The following SCUBE3 variants were observed in gnomAD, a reference collection of about 807,000 sequenced individuals.
SCUBE3 encodes the protein signal peptide, CUB and EGF-like domain-containing protein 3.
In SCUBE3, 33 loss-of-function variants were observed where a neutral mutation model predicts 116.8. That is an observed-to-expected ratio of 0.28 (90% CI 0.21 to 0.38). The LOEUF (loss-of-function observed/expected upper bound fraction) is 0.38, where lower values mean the gene tolerates loss of function less well. Among genes scored for constraint, SCUBE3 ranks in the 10% least tolerant of loss-of-function variants. The pLI, the probability that SCUBE3 is intolerant of heterozygous loss-of-function variation, is 1.00. For missense variants in SCUBE3, 1,007 were observed against 1,324.8 expected, an observed-to-expected ratio of 0.76 and a Z score of 3.72; for synonymous variants, 418 against 496.9, an observed-to-expected ratio of 0.84 and a Z score of 2.11.
At position 35,243,182 on chromosome 6, in the gene SCUBE3, G is replaced by A. The variant is rs1402422702; in HGVS notation, c.1855G>A (p.Ala619Thr). 6.2e-7 allele frequency: 1 copy of A among 1,614,114 alleles called. No homozygotes were observed. The change falls in exon 15 of 22, where the codon GCA becomes ACA. Residue 619 changes from alanine (A) to threonine (T), a missense_variant. Ala to Thr is a moderately conservative substitution (Grantham distance 58, BLOSUM62 0). Transcript: ENST00000274938. This position sits in a 1 kb window ranked among gnomAD's most constrained non-coding sequence, Gnocchi z 6.6. Reference protein sequence around the residue: ...HKPGLVAGERAEPMESCRPGQ... With the variant: ...HKPGLVAGERTEPMESCRPGQ... Reference sequence around the variant, plus strand: ...GCCGGGCCTGGTAGCCGGGGAGCGAGCAGAGCCGATGGAGTCCTGTAGGCC... The same window carrying A: ...GCCGGGCCTGGTAGCCGGGGAGCGAACAGAGCCGATGGAGTCCTGTAGGCC...
intron 7 of SCUBE3, 129 bp downstream of exon 7, chr6:35,238,147 C>A: frequency 1.8e-6 from 1 of 568,636 alleles, no homozygotes; most frequent in Non-Finnish European, 3.2e-6. Flanking sequence ...CAGGACATAG[C>A]TAAGGGTTGT....
At chr6:35,227,297 TTTTG>T (rs1456804212) in intron 1 of SCUBE3, among the ~76,000 whole-genome samples, 11 of 152,236 alleles carry the variant, frequency 7.2e-5, no homozygotes, top group Non-Finnish European at 7.3e-5. Context: ...TCTAAGGGTT[TTTTG>T]TTTGTTTTCA....
At chr6:35,227,779 C>G in intron 2 of SCUBE3, 77 bp downstream of exon 2, 1 of 1,461,080 alleles carries the variant, frequency 6.8e-7, no homozygotes, top group Non-Finnish European at 9.5e-7. Context: ...CAGTTGGCCA[C>G]TCTCCATCAC....
In SCUBE3 at chr6:35,243,518, A is replaced by T. The variant is rs879172485; in HGVS notation, c.1910-76A>T. On this transcript the variant is annotated intron_variant, in intron 15 of 21. Coordinates refer to ENST00000274938, the MANE Select transcript of SCUBE3 (RefSeq NM_152753.4). The surrounding 1 kb of genome is among the most constrained non-coding windows in gnomAD (Gnocchi z 6.6). ...CCCTGAATCGGGGGTTGTGGCGGGG[A>T]GTGGGAAGGGGAGTCCCAGGCCTGG... The T allele has an allele frequency of 8.0e-7, 1 of 1,253,880 alleles. No individual in the cohort carries two copies. Among genetic ancestry groups the T allele is most frequent in the Non-Finnish European group, 1.1e-6 (1 of 925,370 alleles). The allele number at this position is 1,253,880 out of a possible 1,614,324, so 77.7% of individuals were successfully genotyped here.
At chr6:35,216,294 T>C (rs1782888722) in intron 1 of SCUBE3, among the ~76,000 whole-genome samples, 1 of 152,208 alleles carries the variant, frequency 6.6e-6, no homozygotes, top group Admixed American at 6.5e-5. Context: ...CCCTGCTGGG[T>C]ACTGAGGAAC....
Position 35,235,763 on chromosome 6 carries a change from A to C in SCUBE3, c.713-2139A>C. Among the ~76,000 whole-genome samples the C allele has an allele frequency of 6.6e-6, 1 of 150,940 alleles. No individual in the cohort carries two copies. Among genetic ancestry groups the C allele is most frequent in the African/African-American group, 2.4e-5 (1 of 40,918 alleles). ...TTCCTCTTCTGCTGTCTCCTCCCAC[A>C]CCCACCTTCTAACACCCCACCCCAC... On this transcript the variant is annotated intron_variant, in intron 6 of 21. Coordinates refer to ENST00000274938, the MANE Select transcript of SCUBE3 (RefSeq NM_152753.4). This position sits in a 1 kb window ranked among gnomAD's most constrained non-coding sequence, Gnocchi z 4.5.
In SCUBE3 at chr6:35,246,254, A is replaced by G. The variant is rs746580017; in HGVS notation, c.2801A>G (p.Tyr934Cys). The G allele has an allele frequency of 1.2e-6, 2 of 1,613,994 alleles. No homozygotes were observed. Among genetic ancestry groups the G allele is most frequent in the South Asian group, 2.2e-5 (2 of 91,084 alleles). ...GACATTGTGCGAGATGGCCGGCTCT[A>G]TGCCTCTGAAAACCACCAGGAGATT... ...VEDIVRDGRL[Y>C]ASENHQEILK... Residue 934 changes from tyrosine (Y) to cysteine (C), a missense_variant, in exon 21 of 22, where the codon TAT (tyrosine) becomes TGT (cysteine). Coordinates refer to ENST00000274938, the MANE Select transcript of SCUBE3 (RefSeq NM_152753.4).
chr6:35,240,222 G>T lies in SCUBE3; in HGVS notation c.953-152G>T, dbSNP rs1783977180. The T allele has an allele frequency of 1.1e-5, 6 of 539,532 alleles. No individual in the cohort carries two copies. The highest frequency in any genetic ancestry group is 1.6e-5 in the Non-Finnish European group (5 of 307,766). The allele number at this position is 539,532 out of a possible 1,614,324, so 33.4% of individuals were successfully genotyped here. A position where few individuals can be genotyped will look rare whatever the true frequency, so the allele number is the denominator to read the frequency against. ...TAGAGGGGGCAGAGAAGATGGAATG[G>T]CATTGTTAAATCACTGGTCCTAGAG... On this transcript the variant is annotated intron_variant, in intron 8 of 21. Coordinates refer to ENST00000274938, the MANE Select transcript of SCUBE3 (RefSeq NM_152753.4). This position sits in a 1 kb window ranked among gnomAD's most constrained non-coding sequence, Gnocchi z 4.6.
Position 35,246,079 on chromosome 6 carries a change from C to T in SCUBE3, c.2735C>T (p.Pro912Leu). The change falls in exon 20 of 22, where the codon CCC becomes CTC. Residue 912 changes from proline (P) to leucine (L), a missense_variant. By Grantham distance (98) the Pro-to-Leu change is moderately conservative. Around this residue, in one of 5 missense-constraint regions of SCUBE3, gnomAD observed 118 missense variants for 196.6 expected, o/e 0.60. Coordinates refer to ENST00000274938, the MANE Select transcript of SCUBE3 (RefSeq NM_152753.4). The part of the protein sequence containing the change: ...EANSARGFQI[P>L]YVTYDEDYEQ... ...AACAGCGCCCGTGGCTTCCAGATTC[C>T]CTATGTTACCTATGATGGTAAGCCA... 1.9e-6 allele frequency: 3 copies of T among 1,614,148 alleles called. No individual in the cohort carries two copies. Among genetic ancestry groups the T allele is most frequent in the Non-Finnish European group, 2.5e-6 (3 of 1,180,030 alleles).
intron 13 of SCUBE3, 137 bp from the exon 14 acceptor site, chr6:35,242,485 T>C (rs954913209): frequency 9.2e-5 from 86 of 932,930 alleles, no homozygotes; most frequent in Non-Finnish European, 1.3e-4. Context: ...AATATTCCCC[T>C]CCACCAACTA....
In SCUBE3 at chr6:35,240,268, C is replaced by T. The variant is rs1212731987; in HGVS notation, c.953-106C>T. 1.6e-6 allele frequency: 1 copy of T among 624,772 alleles called. No individual in the cohort carries two copies. Among genetic ancestry groups the T allele is most frequent in the Non-Finnish European group, 2.8e-6 (1 of 356,570 alleles). The allele number at this position is 624,772 out of a possible 1,614,324, so 38.7% of individuals were successfully genotyped here. ...TAGAGCTAGGACATGAATAGGAACT[C>T]TTCAGTTCAAGGGGGAAAGCCAAGG... On this transcript the variant is annotated intron_variant, in intron 8 of 21. Transcript: ENST00000274938. This position sits in a 1 kb window ranked among gnomAD's most constrained non-coding sequence, Gnocchi z 4.6.
intron 3 of SCUBE3, among the ~76,000 whole-genome samples, chr6:35,229,151 G>C (rs916459262): frequency 3.6e-4 from 55 of 152,302 alleles, no homozygotes; most frequent in African/African-American, 1.3e-3. Context: ...GCTCACACCT[G>C]TAATCCCAGC....
rs1783613977 is a variant in SCUBE3 at position 35,232,996 on chromosome 6, G to A, written c.595+21G>A. 3 of 1,613,536 alleles carry A rather than the reference G, an allele frequency of 1.9e-6. No homozygotes were observed. Among genetic ancestry groups the A allele is most frequent in the Non-Finnish European group, 2.5e-6 (3 of 1,179,546 alleles). On this transcript the variant is annotated intron_variant, in intron 5 of 21. Transcript: ENST00000274938. The surrounding 1 kb of genome is among the most constrained non-coding windows in gnomAD (Gnocchi z 4.2). ...TAAATGTGAGATAATTGGGATGGCA[G>A]GTGGGGCAGTGGGGTCGGGGGTGAA... is the stretch of plus-strand genomic sequence containing the variant.
Position 35,239,822 on chromosome 6 carries a change from A to T in SCUBE3, c.900A>T (p.Glu300Asp). ...HICRNTVGSF[E>D]CSCKKGYKLL... ...GCCGCAACACAGTGGGCAGCTTCGA[A>T]TGCAGTTGCAAGAAAGGCTATAAGC... The change falls in exon 8 of 22, where the codon GAA becomes GAT. Residue 300 changes from glutamate (E) to aspartate (D), a missense_variant. By Grantham distance (45) the Glu-to-Asp change is conservative (BLOSUM62 2). Around this residue, in one of 5 missense-constraint regions of SCUBE3, gnomAD observed 214 missense variants for 316.7 expected, o/e 0.68. Coordinates refer to ENST00000274938, the MANE Select transcript of SCUBE3 (RefSeq NM_152753.4). This position sits in a 1 kb window ranked among gnomAD's most constrained non-coding sequence, Gnocchi z 4.1. The T allele has an allele frequency of 6.2e-7, 1 of 1,611,190 alleles. No homozygotes were observed. Among genetic ancestry groups the T allele is most frequent in the South Asian group, 1.1e-5 (1 of 90,456 alleles).
chr6:35,243,142 T>C lies in SCUBE3; in HGVS notation c.1815T>C (p.Tyr605=), dbSNP rs566868826. ...RFLLRLAGLD[Y]ELAHKPGLVA... ...TGCTGCGCCTGGCAGGCCTTGATTA[T>C]GAGCTGGCCCACAAGCCGGGCCTGG... Residue 605 remains tyrosine, a synonymous_variant, in exon 15 of 22, where the codon TAT becomes TAC. Coordinates refer to ENST00000274938, the MANE Select transcript of SCUBE3 (RefSeq NM_152753.4). This position sits in a 1 kb window ranked among gnomAD's most constrained non-coding sequence, Gnocchi z 6.6. 3.1e-6 allele frequency: 5 copies of C among 1,614,166 alleles called. No homozygotes were observed. The South Asian group carries it at 5.5e-5, about 18-fold the overall frequency.
In SCUBE3 at chr6:35,242,711, C is replaced by G. The variant is rs768054821; in HGVS notation, c.1624C>G (p.Pro542Ala). 1.5e-5 allele frequency: 25 copies of G among 1,613,982 alleles called. 1 individual carries two copies. The South Asian group carries it at 1.6e-4, about 11-fold the overall frequency. Reference protein sequence around the residue: ...RKGKGRRARTPPGKEVTRLTL... With the variant: ...RKGKGRRARTAPGKEVTRLTL... Reference sequence around the variant, plus strand: ...GGGCAAGGGCCGACGGGCCCGGACCCCTCCAGGCAAAGAGGTCACAAGGCT... The same window carrying G: ...GGGCAAGGGCCGACGGGCCCGGACCGCTCCAGGCAAAGAGGTCACAAGGCT... The change falls in exon 14 of 22, where the codon CCT becomes GCT. Residue 542 changes from proline (P) to alanine (A), a missense_variant. Transcript: ENST00000274938.
At chr6:35,227,723 G>A (rs1562045561) in intron 2 of SCUBE3, 21 bp downstream of exon 2, 2 of 1,613,688 alleles carry the variant, frequency 1.2e-6, no homozygotes, top group Non-Finnish European at 1.7e-6. Flanking sequence ...AAGGGCACCT[G>A]GAGGAGAGGG....
intron 6 of SCUBE3, among the ~76,000 whole-genome samples, chr6:35,237,536 T>C (rs536995323): frequency 5.5e-4 from 83 of 152,280 alleles, no homozygotes; most frequent in Non-Finnish European, 1.2e-3. Flanking sequence ...TCTGGTTCCC[T>C]GGCAGCCAGA....
Position 35,250,059 on chromosome 6 carries a change from G to A in SCUBE3, c.*1354G>A, listed in dbSNP as rs1009581916. Reference sequence around the variant, plus strand: ...TGAATCTCATGAACCTTGAGTGCTGGAGCATCTGATCTGTCTCTATGCCAC... The same window carrying A: ...TGAATCTCATGAACCTTGAGTGCTGAAGCATCTGATCTGTCTCTATGCCAC... On this transcript the variant is annotated 3_prime_UTR_variant, in exon 22 of 22. Coordinates refer to ENST00000274938, the MANE Select transcript of SCUBE3 (RefSeq NM_152753.4). 8.5e-5 allele frequency: 13 copies of A among 152,626 alleles called. No individual in the cohort carries two copies. Among genetic ancestry groups the A allele is most frequent in the African/African-American group, 3.1e-4 (13 of 41,450 alleles). 9.5% of individuals were successfully genotyped at this position (152,626 alleles called of 1,614,324 possible).
Sources: gnomAD v4.1 joint callset for allele counts (sites outside exome capture counted in the v4.1 genomes callset) on GRCh38, gnomAD v4.1.1 for gene constraint, gnomAD v4.1.1 regional missense constraint, Gnocchi (gnomAD v3.1) non-coding constraint, MANE v1.5 for transcripts, NCBI Gene and HGNC (gene_info 2026-07-23, HGNC 2026-07-21) for gene names.